LRRC2: variants seen among roughly 807,000 people sequenced by gnomAD.
The protein encoded by LRRC2 is leucine-rich repeat-containing protein 2.
LRRC2 carries 27 observed loss-of-function variants against 40.2 expected under a neutral mutation model. The observed-to-expected ratio is 0.67, with a 90% CI of 0.49 to 0.93. The LOEUF (loss-of-function observed/expected upper bound fraction) is 0.93. LRRC2 is among the 40% of genes least tolerant of loss of function. The probability of loss-of-function intolerance (pLI) is 0.00; values close to 1 mark genes in which losing one functional copy is unlikely to be tolerated. For missense variants in LRRC2, 402 were observed against 439.6 expected, an observed-to-expected ratio of 0.91 and a Z score of 0.76; for synonymous variants, 147 against 158.9, an observed-to-expected ratio of 0.92 and a Z score of 0.56.
At chr3:46,536,580 C>A (rs1215309156) in intron 4 of LRRC2, among the ~76,000 whole-genome samples, 1 of 152,164 alleles carries the variant, frequency 6.6e-6, no homozygotes, top group African/African-American at 2.4e-5. Context: ...ATCCTCACTC[C>A]CCCACCAGTG....
chr3:46,550,411 T>C (rs1474534028), intron 2 of LRRC2, among the ~76,000 whole-genome samples: 1 of 122,364 alleles, frequency 8.2e-6, no homozygotes, highest in Admixed American at 1.1e-4. Context: ...TGAGACAGAG[T>C]CTCGCTCTGT....
intron 7 of LRRC2, among the ~76,000 whole-genome samples, chr3:46,524,224 T>C (rs1207323551): frequency 1.3e-5 from 2 of 152,180 alleles, no homozygotes; most frequent in Admixed American, 6.5e-5. Flanking sequence ...CTGGCCAAGG[T>C]ACCGGCCTCA....
Position 46,536,610 on chromosome 3 carries a change from A to G in LRRC2, c.490+2435T>C, listed in dbSNP as rs185219095. On this transcript the variant is annotated intron_variant, in intron 4 of 8. Transcript: ENST00000395905. Reference sequence around the variant, plus strand: ...CCAGTGGTCTCAACCATGGCTGCACATGGGAATCATGTAGGGAGTTTGTTA... The same window carrying G: ...CCAGTGGTCTCAACCATGGCTGCACGTGGGAATCATGTAGGGAGTTTGTTA... Among the ~76,000 whole-genome samples, 942 of 152,282 alleles carry G rather than the reference A, an allele frequency of 6.2e-3. 6 individuals are homozygous for G. The highest frequency in any genetic ancestry group is 0.017 in the Middle Eastern group (5 of 294).
At chr3:46,558,505 G>T (rs1704862104) in intron 1 of LRRC2, 1 of 152,286 alleles carries the variant, frequency 6.6e-6, no homozygotes, top group Non-Finnish European at 1.5e-5. Flanking sequence ...CGGCGTGGCT[G>T]AAGGTCTATT....
In LRRC2 at chr3:46,518,868, T is replaced by A; in HGVS notation, c.*146A>T. ...AGGGAGATACTCATGTATTTGACAT[T>A]TGAAAACCATTTTTTTTAGCAACTA... is the stretch of plus-strand genomic sequence containing the variant. On this transcript the variant is annotated 3_prime_UTR_variant, in exon 9 of 9. Coordinates refer to ENST00000395905, the MANE Select transcript of LRRC2 (RefSeq NM_024512.5). 4.6e-6 allele frequency: 3 copies of A among 650,866 alleles called. No individual in the cohort carries two copies. The highest frequency in any genetic ancestry group is 8.2e-6 in the Non-Finnish European group (3 of 367,656). The allele number at this position is 650,866 out of a possible 1,614,324, so 40.3% of individuals were successfully genotyped here. A position where few individuals can be genotyped will look rare whatever the true frequency, so the allele number is the denominator to read the frequency against.
At chr3:46,551,141 C>T (rs34850133) in intron 2 of LRRC2, 14,074 of 175,050 alleles carry the variant, frequency 0.08, 666 homozygotes, top group South Asian at 0.17. Flanking sequence ...TCCAGAGCGC[C>T]AGACAGCCTA....
At chr3:46,524,845 G>A (rs1416847617) in intron 7 of LRRC2, among the ~76,000 whole-genome samples, 4 of 152,036 alleles carry the variant, frequency 2.6e-5, no homozygotes, top group Non-Finnish European at 4.4e-5. Flanking sequence ...ATATAGCGAT[G>A]TAGTACTCCA....
chr3:46,527,350 C>A, intron 7 of LRRC2, 76 bp downstream of exon 7: 1 of 1,500,860 alleles, frequency 6.7e-7, no homozygotes, highest in South Asian at 1.2e-5. Context: ...GGTCTTGAGA[C>A]AGCTGCCCAG....
At chr3:46,523,530 GA>G (rs1704001212) in intron 7 of LRRC2, among the ~76,000 whole-genome samples, 1 of 151,986 alleles carries the variant, frequency 6.6e-6, no homozygotes, top group Non-Finnish European at 1.5e-5. Flanking sequence ...ATTTTATTAT[GA>G]AAATTCTTAA....
intron 8 of LRRC2, among the ~76,000 whole-genome samples, chr3:46,520,998 C>T (rs574727765): frequency 5.9e-5 from 9 of 152,162 alleles, no homozygotes; most frequent in Admixed American, 3.3e-4. Flanking sequence ...CCACCCTTTC[C>T]TGAGGTACTT....
intron 1 of LRRC2, chr3:46,559,350 A>T (rs951609927): frequency 3.3e-5 from 5 of 152,218 alleles, no homozygotes; most frequent in Non-Finnish European, 5.9e-5. Flanking sequence ...CTACACATAA[A>T]CCAAAAAGCC....
At chr3:46,556,576 C>CTTTTTTT (rs143635012) in intron 1 of LRRC2, among the ~76,000 whole-genome samples, 18 of 104,760 alleles carry the variant, frequency 1.7e-4, no homozygotes, top group South Asian at 3.3e-4. Context: ...GTCATTATTT[C>CTTTTTTT]TTTTTTTTTT....
intron 2 of LRRC2, among the ~76,000 whole-genome samples, chr3:46,545,975 G>A (rs1404810426): frequency 6.6e-6 from 1 of 152,174 alleles, no homozygotes; most frequent in Non-Finnish European, 1.5e-5. Flanking sequence ...AAAACAAGAT[G>A]TTTTGTGGTT....
chr3:46,547,729 T>A (rs1704560292), intron 2 of LRRC2, among the ~76,000 whole-genome samples: 2 of 150,448 alleles, frequency 1.3e-5, no homozygotes, highest in Non-Finnish European at 2.9e-5. Context: ...TGTGTGTGTG[T>A]GTGTCAGCAC....
chr3:46,548,868 G>C (rs1174412327), intron 2 of LRRC2, among the ~76,000 whole-genome samples: 1 of 152,138 alleles, frequency 6.6e-6, no homozygotes, highest in Non-Finnish European at 1.5e-5. Flanking sequence ...GGGCAACCTA[G>C]ATCCCTTGTA....
chr3:46,532,332 C>T (rs545876204), intron 5 of LRRC2, among the ~76,000 whole-genome samples: 101 of 152,248 alleles, frequency 6.6e-4, no homozygotes, highest in Admixed American at 3.9e-3. Flanking sequence ...AGGGCAGGTG[C>T]GGTGGCTCAC....
In LRRC2 at chr3:46,559,603, C is replaced by T. The variant is rs556772001; in HGVS notation, c.-20+6574G>A. 2.0e-5 allele frequency: 3 copies of T among 152,334 alleles called. No individual in the cohort carries two copies. The East Asian group carries it at 5.8e-4, about 29-fold the overall frequency. 9.4% of individuals were successfully genotyped at this position (152,334 alleles called of 1,614,324 possible). On this transcript the variant is annotated intron_variant, in intron 1 of 8. Transcript: ENST00000395905. ...TTGCTTATGAATTTCTATGTATTAA[C>T]TTAGAGAAATGTAATTCTAGTTCCC...
intron 2 of LRRC2, among the ~76,000 whole-genome samples, chr3:46,547,741 T>C (rs1270787176): frequency 1.3e-5 from 2 of 151,432 alleles, no homozygotes; most frequent in South Asian, 2.1e-4. Context: ...TGTCAGCACA[T>C]GAAGGGATAT....
chr3:46,553,529 T>C (rs1025616763), intron 1 of LRRC2, among the ~76,000 whole-genome samples: 2 of 152,238 alleles, frequency 1.3e-5, no homozygotes, highest in Admixed American at 6.5e-5. Context: ...TCACTGCTCA[T>C]TGCACCTGGA....
Sources: gnomAD v4.1 joint callset for allele counts (sites outside exome capture counted in the v4.1 genomes callset) on GRCh38, gnomAD v4.1.1 for gene constraint, MANE v1.5 for transcripts, NCBI Gene and HGNC (gene_info 2026-07-23, HGNC 2026-07-21) for gene names.